The following FIG4 variants were observed in gnomAD, a reference collection of about 807,000 sequenced individuals.
FIG4 encodes the protein FIG4 phosphoinositide 5-phosphatase, also known as polyphosphoinositide phosphatase.
Under a neutral mutation model 118.6 loss-of-function variants are expected in FIG4, and 112 were observed. That is an observed-to-expected ratio of 0.94 (90% confidence interval 0.81 to 1.11). FIG4 has a LOEUF of 1.11. Among genes scored for constraint, FIG4 ranks in the 50% least tolerant of loss-of-function variants. The pLI, the probability that FIG4 is intolerant of heterozygous loss-of-function variation, is 0.00. For synonymous variants in FIG4, 369 were observed against 381.2 expected, an observed-to-expected ratio of 0.97 and a Z score of 0.37; for missense variants, 969 against 1,111.7, an observed-to-expected ratio of 0.87 and a Z score of 1.83.
intron 10 of FIG4, among the ~76,000 whole-genome samples, chr6:109,753,410 T>C (rs1405424162): frequency 6.6e-6 from 1 of 151,726 alleles, no homozygotes; most frequent in Non-Finnish European, 1.5e-5. Context: ...GGCTTAGGAT[T>C]GACTTGGTGA....
intron 5 of FIG4, among the ~76,000 whole-genome samples, chr6:109,733,632 C>G (rs1218857339): frequency 1.3e-5 from 2 of 151,996 alleles, no homozygotes; most frequent in Non-Finnish European, 2.9e-5. Flanking sequence ...TTTATTGATG[C>G]AAACCTGAAG....
intron 16 of FIG4, 76 bp from the exon 17 acceptor site, chr6:109,784,894 A>G: frequency 1.3e-6 from 1 of 760,574 alleles, no homozygotes; most frequent in East Asian, 2.6e-5. Context: ...GACCATATAA[A>G]TTATTTTATC....
At chr6:109,765,212 C>T in intron 14 of FIG4, 51 bp downstream of exon 14, 1 of 1,500,918 alleles carries the variant, frequency 6.7e-7, no homozygotes, top group South Asian at 1.1e-5. Flanking sequence ...GAAGGCAAAC[C>T]TGGTTACTAA....
At chr6:109,808,776 G>A (rs1259528040) in intron 22 of FIG4, among the ~76,000 whole-genome samples, 1 of 152,170 alleles carries the variant, frequency 6.6e-6, no homozygotes, top group African/African-American at 2.4e-5. Flanking sequence ...CAATGATAAA[G>A]TAGATCTTTT....
chr6:109,773,132 A>G (rs371072841), intron 15 of FIG4, among the ~76,000 whole-genome samples: 5 of 152,282 alleles, frequency 3.3e-5, no homozygotes, highest in East Asian at 1.9e-4. Flanking sequence ...ACCACAGTGC[A>G]CCAAATACAT....
intron 22 of FIG4, among the ~76,000 whole-genome samples, chr6:109,816,332 A>G (rs1778861255): frequency 6.6e-6 from 1 of 152,208 alleles, no homozygotes; most frequent in African/African-American, 2.4e-5. Flanking sequence ...AACTCTGAAA[A>G]GATGCAGGTT....
intron 8 of FIG4, 37 bp from the exon 9 acceptor site, chr6:109,743,073 T>C: frequency 6.4e-7 from 1 of 1,554,966 alleles, no homozygotes; most frequent in Non-Finnish European, 8.9e-7. Flanking sequence ...ACATTTCTAA[T>C]AACATAAAAT....
intron 1 of FIG4, among the ~76,000 whole-genome samples, chr6:109,699,883 C>T (rs141880701): frequency 9.9e-5 from 15 of 152,246 alleles, no homozygotes; most frequent in Admixed American, 5.2e-4. Flanking sequence ...AGTTGGCTTA[C>T]GATTTTCACA....
At chr6:109,724,746 CTA>C (rs1775740047) in intron 3 of FIG4, among the ~76,000 whole-genome samples, 2 of 151,684 alleles carry the variant, frequency 1.3e-5, no homozygotes, top group Admixed American at 1.3e-4. Flanking sequence ...ACTCATCTTA[CTA>C]TGTTTTTAAA....
intron 1 of FIG4, among the ~76,000 whole-genome samples, chr6:109,698,980 A>T (rs1027187756): frequency 3.9e-5 from 6 of 152,164 alleles, no homozygotes; most frequent in African/African-American, 1.4e-4. Flanking sequence ...TATCAGGATA[A>T]CTCTAGCTTC....
intron 16 of FIG4, among the ~76,000 whole-genome samples, chr6:109,782,326 C>T (rs1364881127): frequency 6.6e-6 from 1 of 152,160 alleles, no homozygotes; most frequent in East Asian, 1.9e-4. Flanking sequence ...TCTTATCCTC[C>T]ATCCATTTTA....
chr6:109,697,134 C>T (rs1336638179), intron 1 of FIG4, among the ~76,000 whole-genome samples: 11 of 151,714 alleles, frequency 7.3e-5, no homozygotes, highest in African/African-American at 2.2e-4. Context: ...TGGTGGTGGG[C>T]GCCTGTAGTC....
At chr6:109,710,190 G>A (rs1214103957) in intron 1 of FIG4, among the ~76,000 whole-genome samples, 1 of 151,604 alleles carries the variant, frequency 6.6e-6, no homozygotes, top group Non-Finnish European at 1.5e-5. Context: ...TTTATTGAAA[G>A]CATCTGGGTC....
At chr6:109,792,692 GA>G (rs761623468) in intron 21 of FIG4, 28 bp downstream of exon 21, 1 of 997,990 alleles carries the variant, frequency 1.0e-6, no homozygotes, top group South Asian at 1.3e-5. Flanking sequence ...AGATATTAAA[GA>G]AAAATGAATA....
chr6:109,788,049 T>C (rs1323020721), intron 18 of FIG4, among the ~76,000 whole-genome samples: 1 of 152,158 alleles, frequency 6.6e-6, no homozygotes, highest in Non-Finnish European at 1.5e-5. Context: ...TAAAACAGGC[T>C]TTGTGTTAGA....
chr6:109,725,547 T>C (rs959565548), intron 3 of FIG4, among the ~76,000 whole-genome samples: 11 of 152,306 alleles, frequency 7.2e-5, no homozygotes, highest in South Asian at 2.1e-4. Flanking sequence ...TATTGTAAAA[T>C]GATGCTGCAG....
rs1300831768 is a variant in FIG4 at position 109,760,367 on chromosome 6, G to A, written c.1255G>A (p.Ala419Thr). Reference sequence around the variant, plus strand: ...TATTGTTTATATTCCCTGGGACATGGCCAAGTATACCAAAAGGTGAATGAT... The same window carrying A: ...TATTGTTTATATTCCCTGGGACATGACCAAGTATACCAAAAGGTGAATGAT... ...HTIVYIPWDM[A>T]KYTKSKLCNV... is the part of the protein sequence containing the mutation. The change falls in exon 11 of 23, where the codon GCC (alanine) becomes ACC (threonine). Residue 419 changes from alanine to threonine, a missense_variant. Physicochemically the swap from Ala to Thr is moderately conservative, Grantham distance 58. Transcript: ENST00000230124. The A allele has an allele frequency of 1.9e-6, 3 of 1,612,850 alleles. No homozygotes were observed. Among genetic ancestry groups the A allele is most frequent in the Non-Finnish European group, 2.5e-6 (3 of 1,179,080 alleles).
intron 16 of FIG4, among the ~76,000 whole-genome samples, chr6:109,780,456 GC>G (rs1236839755): frequency 6.6e-6 from 1 of 152,090 alleles, no homozygotes; most frequent in African/African-American, 2.4e-5. Context: ...CAAGCAGTCT[GC>G]CCATTTTGGC....
intron 22 of FIG4, among the ~76,000 whole-genome samples, chr6:109,811,313 C>A (rs2128400493): frequency 6.6e-6 from 1 of 152,202 alleles, no homozygotes; most frequent in East Asian, 1.9e-4. Context: ...TGTAAACATT[C>A]CATGATTGAA....
Sources: gnomAD v4.1 joint callset for allele counts (sites outside exome capture counted in the v4.1 genomes callset) on GRCh38, gnomAD v4.1.1 for gene constraint, MANE v1.5 for transcripts, NCBI Gene and HGNC (gene_info 2026-07-23, HGNC 2026-07-21) for gene names.